CEP44: variants seen among roughly 807,000 people sequenced by gnomAD.
The protein encoded by CEP44 is centrosomal protein of 44 kDa.
A neutral mutation model predicts 46.7 loss-of-function variants in CEP44; 45 were observed. That is an observed-to-expected ratio of 0.96 (90% CI 0.76 to 1.24). The LOEUF (loss-of-function observed/expected upper bound fraction) is 1.24, where lower values mean the gene tolerates loss of function less well. CEP44 is among the 50% of genes most tolerant of loss of function. The probability of loss-of-function intolerance (pLI) is 0.00; values close to 1 mark genes in which losing one functional copy is unlikely to be tolerated. For missense variants in CEP44, 475 were observed against 459.7 expected (o/e 1.03, Z -0.30); for synonymous variants, 142 against 146.0 (o/e 0.97, Z 0.20).
intron 3 of CEP44, among the ~76,000 whole-genome samples, chr4:174,299,987 G>A (rs548025496): frequency 1.3e-5 from 2 of 152,166 alleles, no homozygotes; most frequent in South Asian, 4.1e-4. Context: ...CTGAAGTCTT[G>A]GACTTTGTTT....
chr4:174,303,958 T>A, intron 5 of CEP44, 109 bp downstream of exon 5: 1 of 775,900 alleles, frequency 1.3e-6, no homozygotes, highest in Non-Finnish European at 2.0e-6. Flanking sequence ...ATAGTGTAAT[T>A]ACTGTATTAT....
chr4:174,322,134 T>G (rs1742360108), downstream of CEP44, among the ~76,000 whole-genome samples: 1 of 151,296 alleles, frequency 6.6e-6, no homozygotes, highest in Admixed American at 6.6e-5. Context: ...TGTTTAAAAT[T>G]TATTTATTTT....
In CEP44 at chr4:174,320,188, G is replaced by A. The variant is rs560704706; in HGVS notation, c.*2805G>A. ...GTCAGAAAGGGTTCAGAAGAAGTTA[G>A]CATCAACTGTATGAAAATTCTAGGT... On this transcript the variant is annotated 3_prime_UTR_variant, in exon 12 of 12. Coordinates refer to ENST00000503780, the MANE Select transcript of CEP44 (RefSeq NM_001040157.3). 196 of 985,128 alleles carry A rather than the reference G, an allele frequency of 2.0e-4. No individual in the cohort carries two copies. Among genetic ancestry groups the A allele is most frequent in the Non-Finnish European group, 2.2e-4 (184 of 829,738 alleles). The allele number at this position is 985,128 out of a possible 1,614,324, so 61.0% of individuals were successfully genotyped here. A position where few individuals can be genotyped will look rare whatever the true frequency, so the allele number is the denominator to read the frequency against.
intron 9 of CEP44, 142 bp from the exon 10 acceptor site, chr4:174,316,024 G>C (rs1027956936): frequency 1.5e-5 from 14 of 935,490 alleles, no homozygotes; most frequent in African/African-American, 3.4e-5. Flanking sequence ...GTTACCTTAA[G>C]AGTACTAAAA....
exon 9 of CEP44, chr4:174,332,174 G>A: frequency 6.5e-6 from 1 of 152,926 alleles, no homozygotes. Flanking sequence ...AAGTAGCAGG[G>A]AAAGAGCTGG....
rs1324908184 is a variant in CEP44 at position 174,326,434 on chromosome 4, G to A, written c.1087-5048G>A. Reference sequence around the variant, plus strand: ...ATAATATACTTTTCATTCTTTCTGCGCCCGCCAAGCCTTTTTTTGTCAAAC... The same window carrying A: ...ATAATATACTTTTCATTCTTTCTGCACCCGCCAAGCCTTTTTTTGTCAAAC... On this transcript the variant is annotated intron_variant, in intron 8 of 8. Coordinates refer to the CEP44 transcript ENST00000426172. This position sits in a 1 kb window ranked among gnomAD's most constrained non-coding sequence, Gnocchi z 4.8. Among the ~76,000 whole-genome samples, 7 of 151,568 alleles carry A rather than the reference G, an allele frequency of 4.6e-5. No homozygotes were observed. Among genetic ancestry groups the A allele is most frequent in the Non-Finnish European group, 8.8e-5 (6 of 67,852 alleles).
chr4:174,316,801 G>GA (rs1218533786), intron 11 of CEP44: 1 of 360,334 alleles, frequency 2.8e-6, no homozygotes, highest in Non-Finnish European at 5.1e-6. Context: ...ATTGTTAATG[G>GA]AATTAACTGC....
chr4:174,302,755 G>GT (rs1560900717), intron 4 of CEP44, among the ~76,000 whole-genome samples: 1 of 150,018 alleles, frequency 6.7e-6, no homozygotes, highest in African/African-American at 2.5e-5. Flanking sequence ...GTTTTTAATG[G>GT]TAAAAACCCA....
intron 8 of CEP44, among the ~76,000 whole-genome samples, chr4:174,327,672 A>G (rs1441359148): frequency 1.3e-5 from 2 of 152,174 alleles, no homozygotes; most frequent in Non-Finnish European, 2.9e-5. Flanking sequence ...CAAATACTGT[A>G]TTACTGACTG....
intron 10 of CEP44, 74 bp from the exon 11 acceptor site, chr4:174,316,456 G>A (rs2126666778): frequency 7.1e-7 from 1 of 1,414,420 alleles, no homozygotes; most frequent in African/African-American, 1.4e-5. Context: ...ACTGTGTTTT[G>A]TACATTCTCG....
chr4:174,303,841 C>A lies in CEP44; in HGVS notation c.376C>A (p.Leu126Ile). 1.9e-6 allele frequency: 3 copies of A among 1,538,754 alleles called. No individual in the cohort carries two copies. The highest frequency in any genetic ancestry group is 2.5e-5 in the South Asian group (2 of 79,962). Residue 126 changes from leucine to isoleucine, a missense_variant, in exon 5 of 12, where the codon CTT becomes ATT. Physicochemically the swap from Leu to Ile is conservative, Grantham distance 5. Transcript: ENST00000503780. ...VMKKHKELSS[L>I]QKIPSQQRKK... ...GAAAAAGCACAAGGAATTAAGCAGT[C>A]TTCAGAAGGTAATTTTATGAATAGA...
chr4:174,321,721 T>C (rs542818649), downstream of CEP44, among the ~76,000 whole-genome samples: 1 of 152,174 alleles, frequency 6.6e-6, no homozygotes, highest in Non-Finnish European at 1.5e-5. Flanking sequence ...TCACATTTAA[T>C]TTAAAATTCA....
In CEP44 at chr4:174,303,838, A is replaced by G. The variant is rs1740045711; in HGVS notation, c.373A>G (p.Ser125Gly). ...CVMKKHKELS[S>G]LQKIPSQQRK... ...GATGAAAAAGCACAAGGAATTAAGC[A>G]GTCTTCAGAAGGTAATTTTATGAAT... is the stretch of plus-strand genomic sequence containing the variant. The change falls in exon 5 of 12, where the codon AGT becomes GGT. Residue 125 changes from serine (S) to glycine (G), a missense_variant. Coordinates refer to ENST00000503780, the MANE Select transcript of CEP44 (RefSeq NM_001040157.3). The G allele has an allele frequency of 1.3e-6, 2 of 1,542,548 alleles. No homozygotes were observed. The highest frequency in any genetic ancestry group is 1.4e-5 in the African/African-American group (1 of 73,542).
At position 174,310,371 on chromosome 4, in the gene CEP44, A is replaced by G. The variant is rs566062464; in HGVS notation, c.885+315A>G. Among the ~76,000 whole-genome samples the G allele has an allele frequency of 2.0e-5, 3 of 152,148 alleles. No homozygotes were observed. The highest frequency in any genetic ancestry group is 7.2e-5 in the African/African-American group (3 of 41,566). Reference sequence around the variant, plus strand: ...TTAAAATTATTTTATATCTTTTAATAGTACAAATAACCTATTTTCATAGGG... The same window carrying G: ...TTAAAATTATTTTATATCTTTTAATGGTACAAATAACCTATTTTCATAGGG... On this transcript the variant is annotated intron_variant, in intron 8 of 11. Coordinates refer to ENST00000503780, the MANE Select transcript of CEP44 (RefSeq NM_001040157.3). The surrounding 1 kb of genome is among the most constrained non-coding windows in gnomAD (Gnocchi z 4.2).
chr4:174,297,277 A>AT lies in CEP44; in HGVS notation c.-147-683dup, dbSNP rs1234061714. Reference sequence around the variant, plus strand: ...TGAGAATTGAAAGCTTCATTTTGAAATTTTTTCTCTATATTATCTCTATTT... The same window carrying AT: ...TGAGAATTGAAAGCTTCATTTTGAAATTTTTTTCTCTATATTATCTCTATTT... On this transcript the variant is annotated intron_variant, in intron 1 of 11. Transcript: ENST00000503780. The surrounding 1 kb of genome is among the most constrained non-coding windows in gnomAD (Gnocchi z 4.3). Among the ~76,000 whole-genome samples the AT allele has an allele frequency of 6.6e-6, 1 of 151,032 alleles. No individual in the cohort carries two copies. Among genetic ancestry groups the AT allele is most frequent in the African/African-American group, 2.4e-5 (1 of 41,034 alleles).
At chr4:174,283,883 G>C (rs1737228083), upstream of CEP44, 1 of 398,850 alleles carries the variant, frequency 2.5e-6, no homozygotes, top group Non-Finnish European at 4.4e-6. This position sits in a 1 kb window ranked among gnomAD's most constrained non-coding sequence, Gnocchi z 6.7. Flanking sequence ...ACGCGGTGTG[G>C]AATCGGCAGC....
chr4:174,326,955 T>C lies in CEP44; in HGVS notation c.1087-4527T>C, dbSNP rs996678937. ...TGAGATTTCTCATTACCACTGATTT[T>C]CAGCAATTAGAAGAGCTATGTAGAA... On this transcript the variant is annotated intron_variant, in intron 8 of 8. Transcript: ENST00000426172. This position sits in a 1 kb window ranked among gnomAD's most constrained non-coding sequence, Gnocchi z 4.8. Among the ~76,000 whole-genome samples the C allele has an allele frequency of 2.0e-5, 3 of 151,878 alleles. No individual in the cohort carries two copies. The highest frequency in any genetic ancestry group is 4.4e-5 in the Non-Finnish European group (3 of 67,886).
rs1346259420 is a variant in CEP44 at position 174,288,647 on chromosome 4, G to T, written c.-148+4704G>T. Among the ~76,000 whole-genome samples the T allele has an allele frequency of 6.6e-6, 1 of 152,010 alleles. No homozygotes were observed. The highest frequency in any genetic ancestry group is 1.5e-5 in the Non-Finnish European group (1 of 67,974). On this transcript the variant is annotated intron_variant, in intron 1 of 11. Coordinates refer to ENST00000503780, the MANE Select transcript of CEP44 (RefSeq NM_001040157.3). The surrounding 1 kb of genome is among the most constrained non-coding windows in gnomAD (Gnocchi z 4.6). ...CAAATTTGTTTATTCTCACATTTTT[G>T]TTGGGGTCCCTAAGGTTTTCTACAT...
chr4:174,296,402 G>T (rs1351099747), intron 1 of CEP44, among the ~76,000 whole-genome samples: 1 of 152,070 alleles, frequency 6.6e-6, no homozygotes, highest in Non-Finnish European at 1.5e-5. Flanking sequence ...ATGAGATGTT[G>T]AACCTTTCAG....
Sources: allele counts gnomAD v4.1 joint callset (sites outside exome capture counted in the v4.1 genomes callset), GRCh38; gene constraint gnomAD v4.1.1; non-coding constraint Gnocchi (gnomAD v3.1); transcripts MANE v1.5; gene names NCBI Gene and HGNC (gene_info 2026-07-23, HGNC 2026-07-21).